PDE4B: variants seen among roughly 807,000 people sequenced by gnomAD.
PDE4B encodes the protein 3',5'-cyclic-AMP phosphodiesterase 4B.
A neutral mutation model predicts 82.2 loss-of-function variants in PDE4B; 20 were observed. That is an observed-to-expected ratio of 0.24 (90% CI 0.17 to 0.35). The LOEUF (loss-of-function observed/expected upper bound fraction) is 0.35, where lower values mean the gene tolerates loss of function less well. PDE4B is among the 10% of genes least tolerant of loss of function. The probability of loss-of-function intolerance (pLI) is 1.00; values close to 1 mark genes in which losing one functional copy is unlikely to be tolerated. For missense variants in PDE4B, 655 were observed against 907.2 expected (o/e 0.72, Z 3.57); for synonymous variants, 320 against 318.9 (o/e 1.00, Z -0.04).
chr1:66,257,787 T>G lies in PDE4B; in HGVS notation c.514-6T>G. The G allele has an allele frequency of 6.2e-7, 1 of 1,612,980 alleles. No individual in the cohort carries two copies. Among genetic ancestry groups the G allele is most frequent in the Non-Finnish European group, 8.5e-7 (1 of 1,179,056 alleles). On this transcript the variant is annotated splice_polypyrimidine_tract_variant and splice_region_variant and intron_variant, in intron 5 of 16. Coordinates refer to ENST00000341517, the MANE Select transcript of PDE4B (RefSeq NM_002600.4). ...TCCTTAACCGTTTAAAACATTTTTCTTCTAGGTCCTTGCCAGCTTGCGAAG... is the reference window on the plus strand; with the variant it reads ...TCCTTAACCGTTTAAAACATTTTTCGTCTAGGTCCTTGCCAGCTTGCGAAG...
intron 1 of PDE4B, among the ~76,000 whole-genome samples, chr1:65,904,157 T>C (rs574167816): frequency 3.7e-4 from 57 of 152,246 alleles, no homozygotes; most frequent in African/African-American, 1.3e-3. Context: ...TGAGTCTACA[T>C]AGAAGACTTA....
At chr1:66,141,692 A>G (rs1570329541) in intron 3 of PDE4B, among the ~76,000 whole-genome samples, 1 of 152,026 alleles carries the variant, frequency 6.6e-6, no homozygotes, top group Non-Finnish European at 1.5e-5. Context: ...GCTGGACCTG[A>G]AGGGCATCTT....
At chr1:66,106,595 G>A (rs1444415327) in intron 3 of PDE4B, among the ~76,000 whole-genome samples, 1 of 151,032 alleles carries the variant, frequency 6.6e-6, no homozygotes, top group Non-Finnish European at 1.5e-5. Context: ...GTAAGCTATT[G>A]ATTATTGCCA....
At chr1:66,249,411 G>A (rs1054509844) in intron 4 of PDE4B, among the ~76,000 whole-genome samples, 1 of 152,124 alleles carries the variant, frequency 6.6e-6, no homozygotes, top group African/African-American at 2.4e-5. Context: ...CAAGCCAAAC[G>A]GCAGGAAGAA....
intron 3 of PDE4B, among the ~76,000 whole-genome samples, chr1:66,109,157 A>T (rs982205403): frequency 5.3e-5 from 8 of 151,994 alleles, no homozygotes; most frequent in African/African-American, 1.4e-4. Flanking sequence ...TGGTACAGAC[A>T]TATCTAAAAT....
At chr1:66,038,508 T>C (rs1370017230) in intron 3 of PDE4B, among the ~76,000 whole-genome samples, 1 of 151,934 alleles carries the variant, frequency 6.6e-6, no homozygotes, top group Non-Finnish European at 1.5e-5. Flanking sequence ...ATTCTTAAAG[T>C]TCAAGGGGAA....
At position 66,333,042 on chromosome 1, in the gene PDE4B, A is replaced by G. The variant is rs76458859; in HGVS notation, c.747+422A>G. ...TAAACAAGAAAGTAGTTTAACCTTC[A>G]TATATCAATGGGAAAGAATGGTCTG... On this transcript the variant is annotated intron_variant, in intron 8 of 16. Coordinates refer to ENST00000341517, the MANE Select transcript of PDE4B (RefSeq NM_002600.4). Among the ~76,000 whole-genome samples the G allele has an allele frequency of 9.9e-3, 1,508 of 152,356 alleles. 21 individuals carry two copies. The highest frequency in any genetic ancestry group is 0.034 in the African/African-American group (1,434 of 41,586).
intron 3 of PDE4B, among the ~76,000 whole-genome samples, chr1:65,977,619 T>C (rs557321527): frequency 1.3e-5 from 2 of 152,248 alleles, no homozygotes; most frequent in Non-Finnish European, 2.9e-5. Flanking sequence ...CATTGTTCTA[T>C]GTACCATAGG....
intron 3 of PDE4B, among the ~76,000 whole-genome samples, chr1:66,170,260 T>G (rs994419903): frequency 2.6e-5 from 4 of 152,206 alleles, no homozygotes; most frequent in African/African-American, 4.8e-5. Context: ...GTGTTATATT[T>G]AAAAACACTG....
At chr1:66,233,148 TC>T (rs1371113369) in intron 3 of PDE4B, among the ~76,000 whole-genome samples, 2 of 151,990 alleles carry the variant, frequency 1.3e-5, no homozygotes, top group Non-Finnish European at 2.9e-5. Context: ...ACCACCCCTT[TC>T]CCCCCAGGAA....
At chr1:66,047,738 C>T (rs1357935924) in intron 3 of PDE4B, among the ~76,000 whole-genome samples, 1 of 151,928 alleles carries the variant, frequency 6.6e-6, no homozygotes, top group Non-Finnish European at 1.5e-5. Flanking sequence ...CTGAACATGA[C>T]CATAATTGAC....
intron 3 of PDE4B, among the ~76,000 whole-genome samples, chr1:66,013,637 C>T (rs980365615): frequency 3.9e-5 from 6 of 152,126 alleles, no homozygotes; most frequent in South Asian, 4.2e-4. Flanking sequence ...AACCACTCCT[C>T]GGTTTTTCTT....
chr1:65,950,819 G>A (rs1259253687), intron 3 of PDE4B, among the ~76,000 whole-genome samples: 4 of 151,978 alleles, frequency 2.6e-5, no homozygotes, highest in Non-Finnish European at 5.9e-5. Context: ...ATGGGAGATG[G>A]TACAACCAGA....
chr1:66,089,473 G>C (rs879545602), intron 3 of PDE4B, among the ~76,000 whole-genome samples: 1 of 152,040 alleles, frequency 6.6e-6, no homozygotes, highest in Non-Finnish European at 1.5e-5. Context: ...ACAGGACTGA[G>C]TGGTCATGCT....
At chr1:66,126,022 T>C (rs1051056057) in intron 3 of PDE4B, among the ~76,000 whole-genome samples, 2 of 152,128 alleles carry the variant, frequency 1.3e-5, no homozygotes, top group East Asian at 3.9e-4. Flanking sequence ...GCCAGGCTGG[T>C]CTCGAACTCC....
intron 3 of PDE4B, among the ~76,000 whole-genome samples, chr1:66,209,638 C>G (rs1363467215): frequency 6.6e-6 from 1 of 152,208 alleles, no homozygotes; most frequent in Non-Finnish European, 1.5e-5. Flanking sequence ...TCAAATTATA[C>G]ATTTCCATCA....
chr1:66,226,046 G>A (rs1651426623), intron 3 of PDE4B, among the ~76,000 whole-genome samples: 1 of 152,152 alleles, frequency 6.6e-6, no homozygotes. Context: ...TTGGTGTGAG[G>A]GTCAGGAAGT....
chr1:65,874,347 A>G (rs1318666031), intron 1 of PDE4B, among the ~76,000 whole-genome samples: 2 of 152,148 alleles, frequency 1.3e-5, no homozygotes, highest in South Asian at 2.1e-4. Context: ...TAGATATACA[A>G]TCATGTCGTC....
chr1:66,061,960 A>G (rs1655604127), intron 3 of PDE4B, among the ~76,000 whole-genome samples: 1 of 152,130 alleles, frequency 6.6e-6, no homozygotes, highest in Non-Finnish European at 1.5e-5. Flanking sequence ...TTTTATCTCC[A>G]GGGAGAGAGG....
Sources: gnomAD v4.1 joint callset for allele counts (sites outside exome capture counted in the v4.1 genomes callset) on GRCh38, gnomAD v4.1.1 for gene constraint, MANE v1.5 for transcripts, NCBI Gene and HGNC (gene_info 2026-07-23, HGNC 2026-07-21) for gene names.